The following SLC9C1 variants were observed in gnomAD, a reference collection of about 807,000 sequenced individuals.
SLC9C1 encodes sodium/hydrogen exchanger 10.
Under a neutral mutation model 140.9 loss-of-function variants are expected in SLC9C1, and 97 were observed. That is an observed-to-expected ratio of 0.69 (90% CI 0.58 to 0.82). The LOEUF (loss-of-function observed/expected upper bound fraction) is 0.82, where lower values mean the gene tolerates loss of function less well. SLC9C1 is among the 40% of genes least tolerant of loss of function. The pLI is 0.00. For missense variants in SLC9C1, 1,340 were observed against 1,389.3 expected (o/e 0.96, Z 0.56); for synonymous variants, 440 against 442.6 (o/e 0.99, Z 0.07).
Position 112,262,966 on chromosome 3 carries a change from G to A in SLC9C1, c.1155C>T (p.Ala385=). The change falls in exon 10 of 29, where the codon GCC becomes GCT. Residue 385 remains alanine, a synonymous_variant. Transcript: ENST00000305815. ...MPNINMALLL[A]YSDLYFGSDK... ...CAGATCCAAAATAAAGATCAGAGTA[G>A]GCAAGCAGAAGGGCCATGTTTATAT... 1.3e-6 allele frequency: 2 copies of A among 1,597,550 alleles called. No homozygotes were observed. The highest frequency in any genetic ancestry group is 1.1e-5 in the South Asian group (1 of 87,622).
At chr3:112,171,742 C>T (rs938312317) in intron 23 of SLC9C1, among the ~76,000 whole-genome samples, 1 of 152,176 alleles carries the variant, frequency 6.6e-6, no homozygotes, top group Non-Finnish European at 1.5e-5. Flanking sequence ...TTATATAGTT[C>T]TATCTTTCAT....
chr3:112,254,257 CA>C (rs780103292), intron 10 of SLC9C1, among the ~76,000 whole-genome samples: 1 of 152,078 alleles, frequency 6.6e-6, no homozygotes, highest in Non-Finnish European at 1.5e-5. Flanking sequence ...AGATTCTATA[CA>C]AGAAGATCAT....
At chr3:112,234,243 C>G (rs1205884536) in intron 12 of SLC9C1, among the ~76,000 whole-genome samples, 1 of 152,196 alleles carries the variant, frequency 6.6e-6, no homozygotes, top group Non-Finnish European at 1.5e-5. Context: ...TAATGATGAG[C>G]ATTTTTTCAT....
At position 112,204,996 on chromosome 3, in the gene SLC9C1, A is replaced by C. The variant is rs575664403; in HGVS notation, c.1987-593T>G. 2.0e-5 allele frequency among the ~76,000 whole-genome samples: 3 copies of C among 152,004 alleles called. No individual in the cohort carries two copies. The South Asian group carries it at 6.2e-4, about 32-fold the overall frequency. ...AAGTTATTTTTAATTTCTCAAAAAA[A>C]TTCGATGCCCTCTCTCACCATTCCT... On this transcript the variant is annotated intron_variant, in intron 16 of 28. Coordinates refer to ENST00000305815, the MANE Select transcript of SLC9C1 (RefSeq NM_183061.3).
chr3:112,215,365 C>T (rs976079293), intron 15 of SLC9C1, among the ~76,000 whole-genome samples: 13 of 152,220 alleles, frequency 8.5e-5, no homozygotes, highest in Non-Finnish European at 1.8e-4. Context: ...CCAGGGCAAT[C>T]AGGCAGGAGA....
chr3:112,255,345 C>T (rs925740154), intron 10 of SLC9C1, among the ~76,000 whole-genome samples: 10 of 152,180 alleles, frequency 6.6e-5, no homozygotes, highest in Non-Finnish European at 1.2e-4. Flanking sequence ...GTAAAACAAT[C>T]CTCAGCAAAT....
At chr3:112,291,705 G>A (rs947028397) in intron 1 of SLC9C1, among the ~76,000 whole-genome samples, 12 of 152,218 alleles carry the variant, frequency 7.9e-5, no homozygotes, top group Non-Finnish European at 1.0e-4. Flanking sequence ...GGAAAACAGT[G>A]TGGTGATTCC....
At chr3:112,236,326 C>G (rs2078985323) in intron 12 of SLC9C1, among the ~76,000 whole-genome samples, 1 of 152,144 alleles carries the variant, frequency 6.6e-6, no homozygotes, top group African/African-American at 2.4e-5. Flanking sequence ...TCCCCTTTAT[C>G]ATTTTTTATT....
chr3:112,181,681 A>G (rs1218839198), intron 21 of SLC9C1, among the ~76,000 whole-genome samples: 1 of 152,232 alleles, frequency 6.6e-6, no homozygotes, highest in African/African-American at 2.4e-5. Context: ...TGAAAACAAT[A>G]TAGTTCACAG....
chr3:112,221,067 T>C, intron 14 of SLC9C1, 61 bp downstream of exon 14: 1 of 1,390,012 alleles, frequency 7.2e-7, no homozygotes, highest in Non-Finnish European at 1.0e-6. Context: ...GAAAACTCAC[T>C]TGGGTAATTT....
chr3:112,191,958 C>A (rs2077669651), intron 20 of SLC9C1, among the ~76,000 whole-genome samples: 1 of 151,750 alleles, frequency 6.6e-6, no homozygotes, highest in East Asian at 1.9e-4. Flanking sequence ...ACTCTATTTC[C>A]TTGAATTTTT....
At chr3:112,224,831 A>AAGAT (rs779856619) in intron 13 of SLC9C1, among the ~76,000 whole-genome samples, 1 of 151,966 alleles carries the variant, frequency 6.6e-6, no homozygotes, top group East Asian at 1.9e-4. Context: ...GAAAGAAAGA[A>AAGAT]AGATAGATAG....
intron 13 of SLC9C1, among the ~76,000 whole-genome samples, chr3:112,226,994 CACA>C (rs984245570): frequency 1.1e-4 from 16 of 151,770 alleles, no homozygotes; most frequent in African/African-American, 3.9e-4. Context: ...AAAAACGAGA[CACA>C]ACAACTGAGA....
chr3:112,151,591 C>A, intron 28 of SLC9C1: 1 of 525,822 alleles, frequency 1.9e-6, no homozygotes, highest in East Asian at 4.6e-5. Context: ...TGAGAGCAGC[C>A]AGTGTTGCAT....
Position 112,231,633 on chromosome 3 carries a change from T to C in SLC9C1, c.1447-147A>G, listed in dbSNP as rs1323622548. ...GAAAAATGTTCAGATCCTCATCATTTGCTCAAATGTCCTAATCATTTGCTC... is the reference window on the plus strand; with the variant it reads ...GAAAAATGTTCAGATCCTCATCATTCGCTCAAATGTCCTAATCATTTGCTC... On this transcript the variant is annotated intron_variant, in intron 12 of 28. Transcript: ENST00000305815. The C allele has an allele frequency of 5.3e-6, 4 of 752,686 alleles. No homozygotes were observed. In the East Asian group the frequency reaches 1.1e-4, roughly 20 times the overall value. The allele number at this position is 752,686 out of a possible 1,614,324, so 46.6% of individuals were successfully genotyped here.
chr3:112,169,283 A>G lies in SLC9C1; in HGVS notation c.2965T>C (p.Cys989Arg), dbSNP rs140783319. The change falls in exon 24 of 29, where the codon TGC becomes CGC. Residue 989 changes from cysteine to arginine, a missense_variant. Transcript: ENST00000305815. Reference sequence around the variant, plus strand: ...ATTTTTTGTTTAATGAGAGGAGAGCATTGCTCAAAAGCATCATACAAGTGA... The same window carrying G: ...ATTTTTTGTTTAATGAGAGGAGAGCGTTGCTCAAAAGCATCATACAAGTGA... ...KTHLYDAFEQ[C>R]SPLIKQKMWL... The G allele has an allele frequency of 3.9e-3, 6,212 of 1,613,390 alleles. 19 individuals are homozygous for G. Among genetic ancestry groups the G allele is most frequent in the Admixed American group, 5.9e-3 (354 of 59,952 alleles).
intron 10 of SLC9C1, among the ~76,000 whole-genome samples, chr3:112,259,934 T>A (rs2079724262): frequency 6.6e-6 from 1 of 152,206 alleles, no homozygotes; most frequent in African/African-American, 2.4e-5. Context: ...TTGAAGTTTT[T>A]ATCATGAATG....
intron 16 of SLC9C1, among the ~76,000 whole-genome samples, chr3:112,207,229 A>G (rs894957062): frequency 5.3e-5 from 8 of 152,224 alleles, no homozygotes; most frequent in Non-Finnish European, 8.8e-5. Context: ...AGATGATTGT[A>G]GATTTCAGCT....
chr3:112,159,755 C>T (rs568769310), intron 26 of SLC9C1, among the ~76,000 whole-genome samples: 14 of 152,096 alleles, frequency 9.2e-5, no homozygotes, highest in East Asian at 1.9e-4. Flanking sequence ...TTAGCGCATA[C>T]GTATATTGAC....
Sources: allele counts gnomAD v4.1 joint callset (sites outside exome capture counted in the v4.1 genomes callset), GRCh38; gene constraint gnomAD v4.1.1; transcripts MANE v1.5; gene names NCBI Gene and HGNC (gene_info 2026-07-23, HGNC 2026-07-21).